The following DOP1B variants were observed in gnomAD, a reference collection of about 807,000 sequenced individuals.
DOP1B encodes the protein DOP1 leucine zipper like protein B.
A neutral mutation model predicts 233.5 loss-of-function variants in DOP1B; 174 were observed. That is an observed-to-expected ratio of 0.75 (90% CI 0.66 to 0.85). The LOEUF is 0.85. DOP1B is among the 40% of genes least tolerant of loss of function. DOP1B has a pLI of 0.00. For synonymous variants in DOP1B, 1,190 were observed against 1,185.6 expected, an observed-to-expected ratio of 1.00 and a Z score of -0.08; for missense variants, 2,652 against 2,846.6, an observed-to-expected ratio of 0.93 and a Z score of 1.56.
At position 36,248,441 on chromosome 21, in the gene DOP1B, T is replaced by C. The variant is rs770293908; in HGVS notation, c.4871T>C (p.Leu1624Pro). The change falls in exon 21 of 37, where the codon CTG (leucine) becomes CCG (proline). Residue 1624 changes from leucine to proline, a missense_variant. Around this residue, in one of 3 missense-constraint regions of DOP1B, gnomAD observed 2,617 missense variants for 2,794.3 expected, o/e 0.94. Transcript: ENST00000691173. Reference protein sequence around the residue: ...RNARNAILEELPRTVNTMALL... With the variant: ...RNARNAILEEPPRTVNTMALL... ...GCCAGAAATGCCATTTTGGAAGAGC[T>C]GCCTCGAACTGTTAACACCATGGCC... The C allele has an allele frequency of 5.0e-6, 8 of 1,614,020 alleles. No homozygotes were observed. Among genetic ancestry groups the C allele is most frequent in the Middle Eastern group, 1.6e-4 (1 of 6,062 alleles).
At chr21:36,213,682 G>A (rs142631252) in intron 7 of DOP1B, among the ~76,000 whole-genome samples, 4,455 of 151,820 alleles carry the variant, frequency 0.029, 168 homozygotes, top group African/African-American at 0.096. Flanking sequence ...GGGATTACAG[G>A]TGTGCGCCAT....
In DOP1B at chr21:36,214,393, C is replaced by T. The variant is rs745539072; in HGVS notation, c.1015-49C>T. The stretch of plus-strand genomic sequence containing the variant: ...ATTAGAATAGCCAGTAATGTTGTTA[C>T]ACTTTATGATATACGATATTCTAAT... On this transcript the variant is annotated intron_variant, in intron 8 of 36. Coordinates refer to ENST00000691173, the MANE Select transcript of DOP1B (RefSeq NM_001320714.2). 26 of 1,549,098 alleles carry T rather than the reference C, an allele frequency of 1.7e-5. No individual in the cohort carries two copies. The Admixed American group carries it at 4.5e-4, about 27-fold the overall frequency.
At chr21:36,265,032 C>T (rs1328037348) in intron 26 of DOP1B, among the ~76,000 whole-genome samples, 1 of 152,126 alleles carries the variant, frequency 6.6e-6, no homozygotes, top group Non-Finnish European at 1.5e-5. Context: ...CTTTATGATC[C>T]CTGGCATTTG....
rs567363565 is a variant in DOP1B, at chr21:36,271,847, A to G, written c.5632+1690A>G. 2.0e-4 allele frequency among the ~76,000 whole-genome samples: 30 copies of G among 150,558 alleles called. 1 individual carries two copies. Among genetic ancestry groups the G allele is most frequent in the African/African-American group, 6.5e-4 (26 of 40,004 alleles). On this transcript the variant is annotated intron_variant, in intron 27 of 36. Transcript: ENST00000691173. Reference sequence around the variant, plus strand: ...GAACTATGGAAAGAGAATTTAGCAAATCAAGCTGGGAGGGTTGGCTCATGC... The same window carrying G: ...GAACTATGGAAAGAGAATTTAGCAAGTCAAGCTGGGAGGGTTGGCTCATGC...
intron 2 of DOP1B, among the ~76,000 whole-genome samples, chr21:36,171,685 C>T (rs2065973072): frequency 6.6e-6 from 1 of 152,166 alleles, no homozygotes; most frequent in Non-Finnish European, 1.5e-5. Flanking sequence ...TCTATGCAGC[C>T]TTCAGAAGAA....
At chr21:36,292,273 G>GTTTTTTTTTTTTTT (rs1569075433) in intron 36 of DOP1B, 40 bp downstream of exon 36, 1 of 1,381,740 alleles carries the variant, frequency 7.2e-7, no homozygotes. Context: ...TTTTTTTTTG[G>GTTTTTTTTTTTTTT]TGAGACAGAG....
At chr21:36,236,777 C>CTTTTTTTTTTTTTTT (rs35374710) in intron 15 of DOP1B, among the ~76,000 whole-genome samples, 2 of 118,570 alleles carry the variant, frequency 1.7e-5, no homozygotes, top group African/African-American at 3.2e-5. Flanking sequence ...TTTTCTTTTT[C>CTTTTTTTTTTTTTTT]TTTTTTTTTT....
intron 1 of DOP1B, among the ~76,000 whole-genome samples, chr21:36,163,472 A>G (rs1172681822): frequency 6.6e-6 from 1 of 152,198 alleles, no homozygotes; most frequent in East Asian, 1.9e-4. Context: ...CTGTAAATGA[A>G]AGACTCAAGC....
chr21:36,197,082 G>A (rs1220593297), intron 2 of DOP1B, among the ~76,000 whole-genome samples: 1 of 151,796 alleles, frequency 6.6e-6, no homozygotes, highest in African/African-American at 2.4e-5. Flanking sequence ...ATAGGCACGC[G>A]CCACCATGCC....
intron 2 of DOP1B, among the ~76,000 whole-genome samples, chr21:36,172,845 G>T (rs986629796): frequency 3.3e-5 from 5 of 152,134 alleles, no homozygotes; most frequent in Admixed American, 2.0e-4. Flanking sequence ...TGGGCGGGGC[G>T]CAGTAGCTCA....
At chr21:36,170,053 A>G in intron 2 of DOP1B, 1 of 714,008 alleles carries the variant, frequency 1.4e-6, no homozygotes, top group Admixed American at 1.9e-5. Context: ...GAAGGCTGTG[A>G]CGTTGACCAG....
At chr21:36,231,443 T>C (rs2066764080) in intron 14 of DOP1B, among the ~76,000 whole-genome samples, 1 of 152,180 alleles carries the variant, frequency 6.6e-6, no homozygotes, top group African/African-American at 2.4e-5. Context: ...GCTCAAATTG[T>C]GTAAGCCAAG....
intron 1 of DOP1B, among the ~76,000 whole-genome samples, chr21:36,158,802 CAAAAA>C (rs386394681): frequency 1.1e-5 from 1 of 93,838 alleles, no homozygotes; most frequent in Admixed American, 1.1e-4. Flanking sequence ...ACTCTTGTCT[CAAAAA>C]AAAAAAAAAA....
At chr21:36,196,439 C>T (rs2066290795) in intron 2 of DOP1B, among the ~76,000 whole-genome samples, 2 of 152,142 alleles carry the variant, frequency 1.3e-5, no homozygotes, top group African/African-American at 2.4e-5. Flanking sequence ...CCATTATCCA[C>T]GTTCATTCCT....
At chr21:36,287,601 T>TC (rs1333637696) in intron 32 of DOP1B, among the ~76,000 whole-genome samples, 1 of 144,872 alleles carries the variant, frequency 6.9e-6, no homozygotes, top group Non-Finnish European at 1.5e-5. Flanking sequence ...TTTTTTTTTT[T>TC]TTTGAGATGG....
chr21:36,233,157 G>A, intron 15 of DOP1B, 82 bp downstream of exon 15: 3 of 1,498,794 alleles, frequency 2.0e-6, no homozygotes, highest in South Asian at 1.3e-5. Context: ...GGGGATGGGG[G>A]CAGTGGCCCA....
intron 32 of DOP1B, 91 bp from the exon 33 acceptor site, chr21:36,287,923 G>A: frequency 6.8e-7 from 1 of 1,476,108 alleles, no homozygotes; most frequent in Non-Finnish European, 9.1e-7. Context: ...TTACTAGAAT[G>A]TCAGAACAGT....
rs753776119 is a variant in DOP1B, at chr21:36,246,180, G to T, written c.4200G>T (p.Lys1400Asn). ...CGGCGTCCATGTACACGAGCCAGAAGCGCTACGGGCTGGCCACCGCCCACC... is the reference window on the plus strand; with the variant it reads ...CGGCGTCCATGTACACGAGCCAGAATCGCTACGGGCTGGCCACCGCCCACC... ...SLSASMYTSQ[K>N]RYGLATAHHG... Residue 1400 changes from lysine (K) to asparagine (N), a missense_variant, in exon 19 of 37, where the codon AAG (lysine) becomes AAT (asparagine). Physicochemically the swap from Lys to Asn is moderately conservative, Grantham distance 94. This residue lies in a region of DOP1B where 2,617 missense variants were observed against 2,794.3 expected (regional missense o/e 0.94). Transcript: ENST00000691173. The surrounding 1 kb of genome is among the most constrained non-coding windows in gnomAD (Gnocchi z 5.1). The T allele has an allele frequency of 2.5e-6, 4 of 1,613,624 alleles. No homozygotes were observed. In the East Asian group the frequency reaches 8.9e-5, roughly 36 times the overall value.
chr21:36,199,185 A>T lies in DOP1B; in HGVS notation c.254A>T (p.Glu85Val). The T allele has an allele frequency of 1.9e-6, 3 of 1,614,126 alleles. No homozygotes were observed. The highest frequency in any genetic ancestry group is 1.7e-6 in the Non-Finnish European group (2 of 1,180,028). ...LPSGVHLKAL[E>V]TYEIIFKIVG... ...AGTGGTGTCCACTTAAAAGCTCTGG[A>T]AACCTACGAGATTATCTTTAAAATC... Residue 85 changes from glutamate (E) to valine (V), a missense_variant, in exon 3 of 37, where the codon GAA (glutamate) becomes GTA (valine). Glu to Val is a moderately radical substitution (Grantham distance 121, BLOSUM62 -2). Transcript: ENST00000691173.
Sources: allele counts gnomAD v4.1 joint callset (sites outside exome capture counted in the v4.1 genomes callset), GRCh38; gene constraint gnomAD v4.1.1; regional missense constraint gnomAD v4.1.1; non-coding constraint Gnocchi (gnomAD v3.1); transcripts MANE v1.5; gene names NCBI Gene and HGNC (gene_info 2026-07-23, HGNC 2026-07-21).